Variants in ARMH4 observed in about 807,000 individuals in gnomAD.
The protein encoded by ARMH4 is armadillo like helical domain containing 4.
ARMH4 carries 49 observed loss-of-function variants against 61.9 expected under a neutral mutation model. The observed-to-expected ratio is 0.79, with a 90% CI of 0.63 to 1.00. The LOEUF is 1.00. Among genes scored for constraint, ARMH4 ranks in the 50% least tolerant of loss-of-function variants. The pLI is 0.00. For missense variants in ARMH4, 934 were observed against 930.0 expected (o/e 1.00, Z -0.06); for synonymous variants, 368 against 341.5 (o/e 1.08, Z -0.85).
rs1291878533 is a variant in ARMH4, at chr14:58,111,075, T to C, written c.1832-14094A>G. On this transcript the variant is annotated intron_variant, in intron 4 of 7. Coordinates refer to ENST00000267485, the MANE Select transcript of ARMH4 (RefSeq NM_001001872.4). ...AGCCAGGATTTTTTTAATGGACTGG[T>C]TTATGGCCAATTTTTATAAATATTT... 5.9e-5 allele frequency among the ~76,000 whole-genome samples: 9 copies of C among 152,234 alleles called. No homozygotes were observed. The East Asian group carries it at 1.7e-3, about 29-fold the overall frequency.
At chr14:58,016,582 A>G (rs544020193) in intron 5 of ARMH4, among the ~76,000 whole-genome samples, 56 of 152,336 alleles carry the variant, frequency 3.7e-4, no homozygotes, top group African/African-American at 1.3e-3. Context: ...ACATTTTACA[A>G]CAAAACCCCC....
chr14:58,093,711 T>C (rs529661947), intron 5 of ARMH4, among the ~76,000 whole-genome samples: 59 of 152,304 alleles, frequency 3.9e-4, no homozygotes, highest in Non-Finnish European at 6.5e-4. Flanking sequence ...GGTTTTGAAT[T>C]ACTAGGAGAT....
intron 5 of ARMH4, among the ~76,000 whole-genome samples, chr14:58,076,257 C>T (rs763694179): frequency 2.0e-5 from 3 of 152,050 alleles, no homozygotes; most frequent in Admixed American, 6.6e-5. Context: ...GAAAAGATGC[C>T]CATGTGCCTG....
chr14:58,033,004 T>A (rs933987789), intron 5 of ARMH4, among the ~76,000 whole-genome samples: 144 of 130,728 alleles, frequency 1.1e-3, no homozygotes, highest in Non-Finnish European at 1.8e-3. Context: ...CAGGCTTGCT[T>A]AGGTAAACAA....
chr14:58,009,456 T>A (rs1317407105), intron 6 of ARMH4, among the ~76,000 whole-genome samples: 10 of 152,006 alleles, frequency 6.6e-5, no homozygotes, highest in Non-Finnish European at 1.5e-5. Context: ...TAGAAGAAGC[T>A]TGGGCCGCTC....
At position 58,073,958 on chromosome 14, in the gene ARMH4, T is replaced by TACAAATTTA. The variant is rs368766452; in HGVS notation, c.2089+22757_2089+22765dup. 4.8e-3 allele frequency among the ~76,000 whole-genome samples: 724 copies of TACAAATTTA among 152,320 alleles called. 4 individuals are homozygous for TACAAATTTA. The highest frequency in any genetic ancestry group is 0.017 in the African/African-American group (700 of 41,562). ...CATGTAGTAAACTACAAAAAGGCCA[T>TACAAATTTA]ACAAATTTAACAAAGTATCATCTCA... On this transcript the variant is annotated intron_variant, in intron 5 of 7. Coordinates refer to ENST00000267485, the MANE Select transcript of ARMH4 (RefSeq NM_001001872.4).
Position 58,131,547 on chromosome 14 carries a change from G to A in ARMH4, c.1796C>T (p.Ala599Val), listed in dbSNP as rs760961554. ...VVPSITRVNT[A>V]ASYGLDQLES... ...AAGTTGGTCCAGGCCATATGAGGCA[G>A]CTGTATTAACACGAGTAATAGATGG... Residue 599 changes from alanine (A) to valine (V), a missense_variant, in exon 4 of 8, where the codon GCT (alanine) becomes GTT (valine). Physicochemically the swap from Ala to Val is moderately conservative, Grantham distance 64. Coordinates refer to ENST00000267485, the MANE Select transcript of ARMH4 (RefSeq NM_001001872.4). 124 of 1,614,080 alleles carry A rather than the reference G, an allele frequency of 7.7e-5. 3 individuals carry two copies. In the South Asian group the frequency reaches 1.0e-3, roughly 13 times the overall value.
intron 4 of ARMH4, among the ~76,000 whole-genome samples, chr14:58,128,317 C>G (rs1886969336): frequency 6.6e-6 from 1 of 152,128 alleles, no homozygotes. Context: ...AGAAAATCAA[C>G]CTATACAAAG....
intron 6 of ARMH4, 48 bp from the exon 7 acceptor site, chr14:58,005,230 G>T (rs368232264): frequency 4.4e-6 from 7 of 1,608,702 alleles, no homozygotes; most frequent in Non-Finnish European, 5.9e-6. Context: ...AGAGCGCGCC[G>T]CCCTGGGTTT....
At chr14:58,094,178 A>T (rs1885668908) in intron 5 of ARMH4, among the ~76,000 whole-genome samples, 1 of 151,904 alleles carries the variant, frequency 6.6e-6, no homozygotes, top group Admixed American at 6.6e-5. Flanking sequence ...AAAAATACAA[A>T]AATTAGCTGG....
intron 5 of ARMH4, among the ~76,000 whole-genome samples, chr14:58,082,519 G>A (rs181999289): frequency 6.6e-6 from 1 of 152,330 alleles, no homozygotes; most frequent in Admixed American, 6.5e-5. Flanking sequence ...GCAGCAAAGT[G>A]AAGGCTTCAG....
intron 4 of ARMH4, among the ~76,000 whole-genome samples, chr14:58,114,788 C>T (rs913066978): frequency 2.0e-5 from 3 of 152,048 alleles, no homozygotes; most frequent in Non-Finnish European, 4.4e-5. Flanking sequence ...AATAAAGCTG[C>T]ACACCTACAA....
chr14:58,043,805 C>T (rs1158272808), intron 5 of ARMH4, among the ~76,000 whole-genome samples: 1 of 152,146 alleles, frequency 6.6e-6, no homozygotes, highest in Non-Finnish European at 1.5e-5. Context: ...TTCTTATACA[C>T]CAATAACAGA....
intron 1 of ARMH4, among the ~76,000 whole-genome samples, chr14:58,142,146 AAATT>A (rs764552216): frequency 6.6e-6 from 1 of 152,338 alleles, no homozygotes; most frequent in Non-Finnish European, 1.5e-5. Flanking sequence ...GTTTTCTAGA[AAATT>A]AAACCTTGAA....
At chr14:58,112,229 A>C (rs1216691350) in intron 4 of ARMH4, among the ~76,000 whole-genome samples, 1 of 148,872 alleles carries the variant, frequency 6.7e-6, no homozygotes, top group African/African-American at 2.5e-5. Flanking sequence ...TATTGTCATT[A>C]TTGATATATT....
chr14:58,052,093 C>T (rs1200292351), intron 5 of ARMH4, among the ~76,000 whole-genome samples: 1 of 152,128 alleles, frequency 6.6e-6, no homozygotes, highest in African/African-American at 2.4e-5. Flanking sequence ...AGATTAGGCC[C>T]AGAATTTGCA....
At chr14:58,041,231 A>T (rs1009355031) in intron 5 of ARMH4, among the ~76,000 whole-genome samples, 1 of 152,122 alleles carries the variant, frequency 6.6e-6, no homozygotes, top group Admixed American at 6.5e-5. Flanking sequence ...AGGGGTGACA[A>T]ATGGCACCTG....
At chr14:58,071,888 C>G (rs915167964) in intron 5 of ARMH4, among the ~76,000 whole-genome samples, 1 of 152,210 alleles carries the variant, frequency 6.6e-6, no homozygotes, top group African/African-American at 2.4e-5. Flanking sequence ...TGACAAGAAC[C>G]TGTGCGAATG....
Position 58,096,883 on chromosome 14 carries a change from C to T in ARMH4, c.1930G>A (p.Asp644Asn). 6.2e-7 allele frequency: 1 copy of T among 1,614,168 alleles called. No homozygotes were observed. The highest frequency in any genetic ancestry group is 8.5e-7 in the Non-Finnish European group (1 of 1,180,040). Residue 644 changes from aspartate to asparagine, a missense_variant, in exon 5 of 8, where the codon GAT (aspartate) becomes AAT (asparagine). Asp to Asn is a conservative substitution (Grantham distance 23). Coordinates refer to ENST00000267485, the MANE Select transcript of ARMH4 (RefSeq NM_001001872.4). The part of the protein sequence containing the change: ...DEEDKDADSL[D>N]EGLDGDTELP... ...TCAGTGTCACCATCCAAGCCCTCAT[C>T]CAGCGAGTCTGCATCTTTATCTTCC...
Sources: allele counts gnomAD v4.1 joint callset (sites outside exome capture counted in the v4.1 genomes callset), GRCh38; gene constraint gnomAD v4.1.1; transcripts MANE v1.5; gene names NCBI Gene and HGNC (gene_info 2026-07-23, HGNC 2026-07-21).